The following GALNTL6 variants were observed in gnomAD, a reference collection of about 807,000 sequenced individuals.
GALNTL6 encodes polypeptide N-acetylgalactosaminyltransferase-like 6.
Under a neutral mutation model 73.7 loss-of-function variants are expected in GALNTL6, and 46 were observed. The ratio of observed to expected loss-of-function variants is 0.62; its 90% CI spans 0.49 to 0.80. The LOEUF (loss-of-function observed/expected upper bound fraction) is 0.80, where lower values mean the gene tolerates loss of function less well. Among genes scored for constraint, GALNTL6 ranks in the 30% least tolerant of loss-of-function variants. GALNTL6 has a pLI of 0.00. For synonymous variants in GALNTL6, 259 were observed against 263.7 expected (o/e 0.98, Z 0.17); for missense variants, 604 against 755.0 (o/e 0.80, Z 2.34).
chr4:172,485,494 G>T (rs987917077), intron 5 of GALNTL6, among the ~76,000 whole-genome samples: 5 of 152,072 alleles, frequency 3.3e-5, no homozygotes, highest in Admixed American at 3.3e-4. Context: ...GTTCTGGGTC[G>T]CAATGTAACG....
chr4:171,994,113 CAATT>C (rs2110743531), intron 2 of GALNTL6, among the ~76,000 whole-genome samples: 2 of 151,942 alleles, frequency 1.3e-5, no homozygotes, highest in African/African-American at 4.8e-5. Flanking sequence ...TTGTTTTTCT[CAATT>C]AATTTTTATA....
intron 2 of GALNTL6, among the ~76,000 whole-genome samples, chr4:171,914,779 A>T (rs1267218435): frequency 3.0e-5 from 3 of 100,660 alleles, no homozygotes; most frequent in East Asian, 6.9e-4. Flanking sequence ...AGTAAAAATG[A>T]TAAAAAAAAA....
intron 2 of GALNTL6, among the ~76,000 whole-genome samples, chr4:171,827,664 A>G (rs1463274354): frequency 1.3e-5 from 2 of 152,126 alleles, no homozygotes; most frequent in African/African-American, 4.8e-5. Flanking sequence ...TTCATTCCCT[A>G]TACCTTTCCT....
chr4:172,398,641 C>A (rs1416610468), intron 5 of GALNTL6, among the ~76,000 whole-genome samples: 2 of 152,108 alleles, frequency 1.3e-5, no homozygotes, highest in Non-Finnish European at 2.9e-5. Context: ...GAAATGATTT[C>A]TTGATAATGG....
At chr4:172,609,404 G>A (rs1738428268) in intron 5 of GALNTL6, among the ~76,000 whole-genome samples, 1 of 152,092 alleles carries the variant, frequency 6.6e-6, no homozygotes, top group Non-Finnish European at 1.5e-5. Context: ...AGATAATCAT[G>A]TGGTTTTGGT....
intron 2 of GALNTL6, among the ~76,000 whole-genome samples, chr4:171,965,421 C>T (rs1255428318): frequency 5.3e-5 from 8 of 151,954 alleles, no homozygotes; most frequent in Non-Finnish European, 5.9e-5. Flanking sequence ...CTTTGGGAAA[C>T]CGAGGCGGGC....
intron 5 of GALNTL6, among the ~76,000 whole-genome samples, chr4:172,552,647 T>G (rs1477587558): frequency 1.3e-5 from 2 of 151,888 alleles, no homozygotes; most frequent in Non-Finnish European, 2.9e-5. Flanking sequence ...TACTAGGTCA[T>G]GCACAAATTG....
At chr4:172,744,857 G>GTT (rs1391171452) in intron 5 of GALNTL6, among the ~76,000 whole-genome samples, 3 of 151,484 alleles carry the variant, frequency 2.0e-5, no homozygotes, top group African/African-American at 7.3e-5. Flanking sequence ...GTGTGTGTGT[G>GTT]TGTGTGTGTG....
intron 5 of GALNTL6, among the ~76,000 whole-genome samples, chr4:172,526,033 G>A (rs1186542469): frequency 6.6e-6 from 1 of 152,080 alleles, no homozygotes; most frequent in African/African-American, 2.4e-5. Context: ...GTGCAATGAT[G>A]AATTGAAGTT....
chr4:172,578,645 A>G (rs1003174802), intron 5 of GALNTL6, among the ~76,000 whole-genome samples: 1 of 152,226 alleles, frequency 6.6e-6, no homozygotes, highest in Non-Finnish European at 1.5e-5. Flanking sequence ...TGATTTATTG[A>G]ACAATTTGAT....
At chr4:171,845,580 A>T (rs149513897) in intron 2 of GALNTL6, among the ~76,000 whole-genome samples, 14 of 152,252 alleles carry the variant, frequency 9.2e-5, no homozygotes, top group Non-Finnish European at 1.5e-4. Context: ...CATATATCTC[A>T]TTCTCAGCTA....
intron 5 of GALNTL6, among the ~76,000 whole-genome samples, chr4:172,465,471 C>T (rs187125468): frequency 1.1e-3 from 158 of 150,356 alleles, no homozygotes; most frequent in South Asian, 6.1e-3. Flanking sequence ...AGCGAGAATC[C>T]GTCTCAAAAA....
intron 5 of GALNTL6, among the ~76,000 whole-genome samples, chr4:172,658,556 A>G (rs1731207621): frequency 6.6e-6 from 1 of 152,174 alleles, no homozygotes; most frequent in Non-Finnish European, 1.5e-5. Context: ...TTTGGGCACA[A>G]AAGGGGGAAA....
At chr4:172,860,140 A>G (rs1217417122) in intron 7 of GALNTL6, among the ~76,000 whole-genome samples, 1 of 152,196 alleles carries the variant, frequency 6.6e-6, no homozygotes, top group Non-Finnish European at 1.5e-5. Flanking sequence ...GCTCAATGAT[A>G]CAAACATTGT....
chr4:171,914,920 AATC>A (rs1737575393), intron 2 of GALNTL6, among the ~76,000 whole-genome samples: 1 of 151,972 alleles, frequency 6.6e-6, no homozygotes, highest in Non-Finnish European at 1.5e-5. Flanking sequence ...TACTCAGAAG[AATC>A]ATTTTCAGTT....
intron 5 of GALNTL6, among the ~76,000 whole-genome samples, chr4:172,751,904 G>A (rs542476595): frequency 6.6e-6 from 1 of 152,194 alleles, no homozygotes; most frequent in East Asian, 1.9e-4. Context: ...AAAGTCATAC[G>A]TGCTTGTACT....
chr4:172,653,409 C>T (rs190495973), intron 5 of GALNTL6, among the ~76,000 whole-genome samples: 31 of 151,996 alleles, frequency 2.0e-4, no homozygotes, highest in African/African-American at 6.7e-4. Context: ...TTAGTAGAAA[C>T]GGGGTTTCAC....
At chr4:172,905,812 CAAA>C (rs397996287) in intron 8 of GALNTL6, among the ~76,000 whole-genome samples, 861 of 69,678 alleles carry the variant, frequency 0.012, 6 homozygotes, top group East Asian at 0.038. Context: ...AGAGATCACT[CAAA>C]AAAAAAAAAA....
chr4:172,441,424 G>A (rs975154585), intron 5 of GALNTL6, among the ~76,000 whole-genome samples: 10 of 151,980 alleles, frequency 6.6e-5, no homozygotes, highest in African/African-American at 9.6e-5. Flanking sequence ...CAATGCTTTC[G>A]TGGTCATTCA....
Sources: gnomAD v4.1 joint callset for allele counts (sites outside exome capture counted in the v4.1 genomes callset) on GRCh38, gnomAD v4.1.1 for gene constraint, MANE v1.5 for transcripts, NCBI Gene and HGNC (gene_info 2026-07-23, HGNC 2026-07-21) for gene names.